Variants in WDFY3 observed in about 807,000 individuals in gnomAD.
The protein encoded by WDFY3 is WD repeat and FYVE domain containing 3, also known as WD repeat and FYVE domain-containing protein 3.
In WDFY3, 66 loss-of-function variants were observed where a neutral mutation model predicts 409.6. The ratio of observed to expected loss-of-function variants is 0.16; its 90% confidence interval spans 0.13 to 0.20. The LOEUF (loss-of-function observed/expected upper bound fraction) is 0.20, where lower values mean the gene tolerates loss of function less well. Among genes scored for constraint, WDFY3 ranks in the 10% least tolerant of loss-of-function variants. The pLI is 1.00. For synonymous variants in WDFY3, 1,521 were observed against 1,537.1 expected (o/e 0.99, Z 0.25); for missense variants, 3,031 against 4,298.1 (o/e 0.71, Z 8.24).
intron 38 of WDFY3, 83 bp downstream of exon 38, chr4:84,741,674 ATTAG>A (rs1238469700): frequency 2.6e-5 from 34 of 1,328,362 alleles, no homozygotes; most frequent in Non-Finnish European, 3.2e-5. Flanking sequence ...TCATTATCTT[ATTAG>A]TTATATTTAA....
intron 29 of WDFY3, 54 bp from the exon 30 acceptor site, chr4:84,772,983 A>G (rs928520972): frequency 2.1e-6 from 3 of 1,413,728 alleles, no homozygotes; most frequent in East Asian, 5.1e-5. Context: ...TTCCCAAAAC[A>G]AACAACAAAG....
rs1453791351 is a variant in WDFY3 at position 84,679,055 on chromosome 4, C to G, written c.10011G>C (p.Gln3337His). Residue 3337 changes from glutamine to histidine, a missense_variant, in exon 65 of 68, where the codon CAG becomes CAC. Physicochemically the swap from Gln to His is conservative, Grantham distance 24 (BLOSUM62 0). This residue lies in a region of WDFY3 where 378 missense variants were observed against 477.3 expected (regional missense o/e 0.79). Transcript: ENST00000295888. ...AGCCGTCTTTCTCATCTAGACTGAG[C>G]TGGTCGGACCAGCGTCTGGAGTCGT... Reference protein sequence around the residue: ...GSDDSRRWSDQLSLDEKDGFI... With the variant: ...GSDDSRRWSDHLSLDEKDGFI... The G allele has an allele frequency of 6.2e-7, 1 of 1,614,240 alleles. No individual in the cohort carries two copies. Among genetic ancestry groups the G allele is most frequent in the Admixed American group, 1.7e-5 (1 of 60,032 alleles).
intron 2 of WDFY3, among the ~76,000 whole-genome samples, chr4:84,912,057 A>T (rs1032321282): frequency 3.3e-5 from 5 of 152,214 alleles, no homozygotes; most frequent in African/African-American, 4.8e-5. Context: ...TTGTCTCTCC[A>T]GTAAGTTGTA....
At chr4:84,793,759 G>A (rs1372768372) in intron 21 of WDFY3, among the ~76,000 whole-genome samples, 2 of 152,110 alleles carry the variant, frequency 1.3e-5, no homozygotes, top group Non-Finnish European at 2.9e-5. Context: ...CTCTGTGCTA[G>A]GTACCATGAG....
chr4:84,743,316 T>C (rs1042199565), intron 37 of WDFY3, among the ~76,000 whole-genome samples: 1 of 152,180 alleles, frequency 6.6e-6, no homozygotes, highest in Non-Finnish European at 1.5e-5. Context: ...GAAGCCATAC[T>C]AAAAAGATAA....
intron 36 of WDFY3, among the ~76,000 whole-genome samples, chr4:84,746,628 A>T (rs907992485): frequency 6.6e-6 from 1 of 152,074 alleles, no homozygotes; most frequent in African/African-American, 2.4e-5. Context: ...CTAGTGGCCT[A>T]GTTTGATGTT....
intron 29 of WDFY3, 41 bp from the exon 30 acceptor site, chr4:84,772,970 C>CGAAA: frequency 6.7e-7 from 1 of 1,484,178 alleles, no homozygotes; most frequent in Non-Finnish European, 9.1e-7. Flanking sequence ...TTTCTTTTTC[C>CGAAA]TCTTCCCAAA....
At chr4:84,913,791 T>G (rs999508320) in intron 2 of WDFY3, among the ~76,000 whole-genome samples, 1 of 151,310 alleles carries the variant, frequency 6.6e-6, no homozygotes, top group African/African-American at 2.4e-5. Flanking sequence ...AATGTATTTC[T>G]GTAACATGAC....
intron 3 of WDFY3, among the ~76,000 whole-genome samples, chr4:84,894,785 G>GA (rs201916800): frequency 0.012 from 1,561 of 133,186 alleles, 7 homozygotes; most frequent in East Asian, 0.02. Context: ...GACTCAGTCT[G>GA]AAAAAAAAAA....
intron 35 of WDFY3, among the ~76,000 whole-genome samples, chr4:84,752,526 G>A (rs1466082687): frequency 9.9e-5 from 14 of 141,430 alleles, no homozygotes; most frequent in African/African-American, 2.9e-4. Flanking sequence ...GCGAAACCCC[G>A]TCTCAAAAAA....
intron 64 of WDFY3, 128 bp from the exon 65 acceptor site, chr4:84,679,370 C>A: frequency 3.1e-6 from 3 of 975,872 alleles, no homozygotes; most frequent in Non-Finnish European, 4.1e-6. Flanking sequence ...CTAAGTGTAA[C>A]AAAAAAGAAA....
intron 13 of WDFY3, among the ~76,000 whole-genome samples, chr4:84,814,062 A>G (rs1752907826): frequency 6.6e-6 from 1 of 152,228 alleles, no homozygotes; most frequent in Admixed American, 6.5e-5. Context: ...AATAGAAGTA[A>G]TAACTACTAA....
intron 6 of WDFY3, among the ~76,000 whole-genome samples, chr4:84,837,457 G>C (rs908725369): frequency 3.9e-5 from 6 of 152,106 alleles, no homozygotes; most frequent in African/African-American, 1.4e-4. Context: ...AAAATAGATA[G>C]AATGATACAC....
At chr4:84,716,642 CA>C (rs1553925319) in intron 49 of WDFY3, among the ~76,000 whole-genome samples, 1 of 145,724 alleles carries the variant, frequency 6.9e-6, no homozygotes, top group Non-Finnish European at 1.5e-5. Context: ...TAAAAAAATA[CA>C]AAAAAATTAG....
intron 4 of WDFY3, among the ~76,000 whole-genome samples, chr4:84,857,921 T>A (rs1372272909): frequency 2.6e-5 from 4 of 152,162 alleles, no homozygotes; most frequent in Non-Finnish European, 5.9e-5. Context: ...AACCTCAATC[T>A]CAATAAATCA....
chr4:84,877,421 T>G (rs553807416), intron 3 of WDFY3, among the ~76,000 whole-genome samples: 3 of 152,036 alleles, frequency 2.0e-5, no homozygotes, highest in Non-Finnish European at 2.9e-5. Context: ...GCAGCCTCCA[T>G]CTCCTGGGCT....
At chr4:84,908,312 C>T (rs1377722573) in intron 2 of WDFY3, among the ~76,000 whole-genome samples, 5 of 152,064 alleles carry the variant, frequency 3.3e-5, no homozygotes, top group African/African-American at 1.2e-4. Context: ...ATTCAACAGA[C>T]ATTTAGAAGG....
rs1234922185 is a variant in WDFY3 at position 84,733,589 on chromosome 4, C to G, written c.7014G>C (p.Lys2338Asn). The change falls in exon 44 of 68, where the codon AAG becomes AAC. Residue 2338 changes from lysine to asparagine, a missense_variant. Lys to Asn is a moderately conservative substitution (Grantham distance 94). Around this residue, in one of 16 missense-constraint regions of WDFY3, gnomAD observed 98 missense variants for 194.9 expected, o/e 0.50. Transcript: ENST00000295888. ...EYQERQQNALKYVTEEWCQIE... is the reference protein window; with the variant it reads ...EYQERQQNALNYVTEEWCQIE... ...TCTGACACCACTCTTCTGTCACGTA[C>G]TTCAGGGCATTCTGCTGACGCTGAC... 6.2e-7 allele frequency: 1 copy of G among 1,612,448 alleles called. No individual in the cohort carries two copies. The highest frequency in any genetic ancestry group is 1.1e-5 in the South Asian group (1 of 91,036).
chr4:84,914,716 T>C (rs1768247989), intron 2 of WDFY3, among the ~76,000 whole-genome samples: 1 of 152,160 alleles, frequency 6.6e-6, no homozygotes, highest in Non-Finnish European at 1.5e-5. Flanking sequence ...GTAGAGAAAT[T>C]GGAACCCTCA....
Sources: allele counts gnomAD v4.1 joint callset (sites outside exome capture counted in the v4.1 genomes callset), GRCh38; gene constraint gnomAD v4.1.1; regional missense constraint gnomAD v4.1.1; transcripts MANE v1.5; gene names NCBI Gene and HGNC (gene_info 2026-07-23, HGNC 2026-07-21).